TMEM106A: variants seen among roughly 807,000 people sequenced by gnomAD.
The protein encoded by TMEM106A is transmembrane protein 106A.
In TMEM106A, 22 loss-of-function variants were observed where a neutral mutation model predicts 25.1. The observed-to-expected ratio is 0.88, with a 90% CI of 0.63 to 1.25. The LOEUF (loss-of-function observed/expected upper bound fraction) is 1.25, where lower values mean the gene tolerates loss of function less well. Among genes scored for constraint, TMEM106A ranks in the 50% most tolerant of loss-of-function variants. The probability of loss-of-function intolerance (pLI) is 0.00; values close to 1 mark genes in which losing one functional copy is unlikely to be tolerated. For missense variants in TMEM106A, 275 were observed against 318.1 expected (o/e 0.86, Z 1.03); for synonymous variants, 104 against 129.9 (o/e 0.80, Z 1.35).
rs1012226798 is a variant in TMEM106A, at chr17:43,218,152, T to G, written c.*351T>G. 3.3e-5 allele frequency: 8 copies of G among 245,098 alleles called. No homozygotes were observed. The highest frequency in any genetic ancestry group is 1.8e-4 in the African/African-American group (8 of 43,512). The allele number at this position is 245,098 out of a possible 1,614,324, so 15.2% of individuals were successfully genotyped here. On this transcript the variant is annotated 3_prime_UTR_variant, in exon 9 of 9. Transcript: ENST00000612339. Reference sequence around the variant, plus strand: ...TCCCTTCTTGGCCTCCCAAAGCACTTGGATTACAGATGTGAGCCTGTGCCT... The same window carrying G: ...TCCCTTCTTGGCCTCCCAAAGCACTGGGATTACAGATGTGAGCCTGTGCCT...
rs1399532112 is a variant in TMEM106A, at chr17:43,216,757, C to T, written c.614+17C>T. On this transcript the variant is annotated intron_variant, in intron 7 of 8. Coordinates refer to ENST00000612339, the MANE Select transcript of TMEM106A (RefSeq NM_145041.4). ...AAACACATAGTGAGTACCCCTTGAT[C>T]TCTTCTCCCCTAGCCACTTGCCTGG... is the stretch of plus-strand genomic sequence containing the variant. The T allele has an allele frequency of 6.2e-7, 1 of 1,614,096 alleles. No individual in the cohort carries two copies. The highest frequency in any genetic ancestry group is 1.7e-5 in the Admixed American group (1 of 60,008).
intron 7 of TMEM106A, 124 bp from the exon 8 acceptor site, chr17:43,217,135 G>T (rs2057493957): frequency 2.0e-6 from 2 of 977,316 alleles, no homozygotes; most frequent in Admixed American, 1.7e-5. Flanking sequence ...GTGACATTTT[G>T]GGGGCACCTG....
Position 43,217,719 on chromosome 17 carries a change from A to C in TMEM106A, c.707A>C (p.Gln236Pro). 1 of 1,614,192 alleles carries C rather than the reference A, an allele frequency of 6.2e-7. No homozygotes were observed. Among genetic ancestry groups the C allele is most frequent in the Non-Finnish European group, 8.5e-7 (1 of 1,180,038 alleles). The change falls in exon 9 of 9, where the codon CAG becomes CCG. Residue 236 changes from glutamine to proline, a missense_variant. Coordinates refer to ENST00000612339, the MANE Select transcript of TMEM106A (RefSeq NM_145041.4). ...LTCSYLSHSE[Q>P]LVFQSYEYVD... Reference sequence around the variant, plus strand: ...TGTTCATACCTGAGCCATTCAGAGCAGCTGGTCTTTCAGAGCTATGAATAT... The same window carrying C: ...TGTTCATACCTGAGCCATTCAGAGCCGCTGGTCTTTCAGAGCTATGAATAT...
In TMEM106A at chr17:43,217,922, C is replaced by T; in HGVS notation, c.*121C>T. 1 of 1,416,930 alleles carries T rather than the reference C, an allele frequency of 7.1e-7. No individual in the cohort carries two copies. Among genetic ancestry groups the T allele is most frequent in the Non-Finnish European group, 9.7e-7 (1 of 1,034,132 alleles). 87.8% of individuals were successfully genotyped at this position (1,416,930 alleles called of 1,614,324 possible). ...AAAGGAGAAGCCCTGCCTCATCACA[C>T]CCTTACCTCCCACCCCCTCAGCACA... On this transcript the variant is annotated 3_prime_UTR_variant, in exon 9 of 9. Coordinates refer to ENST00000612339, the MANE Select transcript of TMEM106A (RefSeq NM_145041.4).
At chr17:43,215,242 CAAAAAAAAGAA>C (rs2057474245) in intron 4 of TMEM106A, among the ~76,000 whole-genome samples, 1 of 146,448 alleles carries the variant, frequency 6.8e-6, no homozygotes, top group African/African-American at 2.5e-5. Context: ...GACTCCATCT[CAAAAAAAAGAA>C]AAAAAAAAGA....
rs199801892 is a variant in TMEM106A, at chr17:43,216,706, G to T, written c.580G>T (p.Ala194Ser). Residue 194 changes from alanine to serine, a missense_variant, in exon 7 of 9, where the codon GCA becomes TCA. Ala to Ser is a moderately conservative substitution (Grantham distance 99). Transcript: ENST00000612339. ...CCCATTTGGTTGACAGATGTTTTACGCAGTAGCTACCAAGATACGGGATGA... is the reference window on the plus strand; with the variant it reads ...CCCATTTGGTTGACAGATGTTTTACTCAGTAGCTACCAAGATACGGGATGA... The part of the protein sequence containing the change: ...GPLASEQMFY[A>S]VATKIRDENT... 11 of 1,614,188 alleles carry T rather than the reference G, an allele frequency of 6.8e-6. No homozygotes were observed. The highest frequency in any genetic ancestry group is 9.3e-6 in the Non-Finnish European group (11 of 1,180,030).
In TMEM106A at chr17:43,217,285, A is replaced by G; in HGVS notation, c.641A>G (p.Lys214Arg). Residue 214 changes from lysine (K) to arginine (R), a missense_variant, in exon 8 of 9, where the codon AAA (lysine) becomes AGA (arginine). Coordinates refer to ENST00000612339, the MANE Select transcript of TMEM106A (RefSeq NM_145041.4). ...TYKICTWLEI[K>R]VHHVLLHIQG... ...AAAATCTGTACCTGGCTGGAAATCAAAGTCCACCATGTGCTTTTGCACATC... is the reference window on the plus strand; with the variant it reads ...AAAATCTGTACCTGGCTGGAAATCAGAGTCCACCATGTGCTTTTGCACATC... 2 of 1,614,188 alleles carry G rather than the reference A, an allele frequency of 1.2e-6. No homozygotes were observed. Among genetic ancestry groups the G allele is most frequent in the Non-Finnish European group, 1.7e-6 (2 of 1,180,020 alleles).
chr17:43,214,980 A>T (rs972204393), intron 4 of TMEM106A, among the ~76,000 whole-genome samples: 1 of 149,326 alleles, frequency 6.7e-6, no homozygotes, highest in Non-Finnish European at 1.5e-5. Context: ...AAAAACAAAA[A>T]AAAACCCTGT....
At chr17:43,217,085 C>T (rs946171284) in intron 7 of TMEM106A, 174 bp from the exon 8 acceptor site, 2 of 701,344 alleles carry the variant, frequency 2.9e-6, no homozygotes, top group East Asian at 2.5e-5. Flanking sequence ...ATAGTGCAGC[C>T]ATGCTGCTAC....
At position 43,217,896 on chromosome 17, in the gene TMEM106A, CA is replaced by C; in HGVS notation, c.*98del. 6.4e-7 allele frequency: 1 copy of C among 1,568,552 alleles called. No individual in the cohort carries two copies. Reference sequence around the variant, plus strand: ...TAAGGAAGGACTACAGAGGCTTTGCCAAAGGAGAAGCCCTGCCTCATCACAC... The same window carrying C: ...TAAGGAAGGACTACAGAGGCTTTGCCAAGGAGAAGCCCTGCCTCATCACAC... On this transcript the variant is annotated 3_prime_UTR_variant, in exon 9 of 9. Transcript: ENST00000612339.
chr17:43,216,327 C>T (rs2057485534), intron 5 of TMEM106A, 122 bp from the exon 6 acceptor site: 1 of 1,356,232 alleles, frequency 7.4e-7, no homozygotes, highest in South Asian at 1.3e-5. Flanking sequence ...TTTTCATCCT[C>T]TGCACCTGAA....
In TMEM106A at chr17:43,218,024, C is replaced by A; in HGVS notation, c.*223C>A. The A allele has an allele frequency of 1.7e-6, 1 of 602,876 alleles. No homozygotes were observed. Among genetic ancestry groups the A allele is most frequent in the Non-Finnish European group, 2.8e-6 (1 of 360,204 alleles). The allele number at this position is 602,876 out of a possible 1,614,324, so 37.3% of individuals were successfully genotyped here. ...TTCCCCCAGATTCTTTCAGGGGCTG[C>A]CATCAGATTCTGCCCTTGGTTAGTT... On this transcript the variant is annotated 3_prime_UTR_variant, in exon 9 of 9. Transcript: ENST00000612339.
Position 43,219,629 on chromosome 17 carries a change from G to A in TMEM106A, c.*1828G>A, listed in dbSNP as rs978412721. 6.6e-6 allele frequency: 1 copy of A among 151,678 alleles called. No homozygotes were observed. Among genetic ancestry groups the A allele is most frequent in the Non-Finnish European group, 1.5e-5 (1 of 67,988 alleles). 9.4% of individuals were successfully genotyped at this position (151,678 alleles called of 1,614,324 possible). On this transcript the variant is annotated 3_prime_UTR_variant, in exon 9 of 9. Coordinates refer to ENST00000612339, the MANE Select transcript of TMEM106A (RefSeq NM_145041.4). ...CACCTGTAATCCCACCTACTCAGGAGGCTGAGGCAGGAGAATCACTTGAAC... is the reference window on the plus strand; with the variant it reads ...CACCTGTAATCCCACCTACTCAGGAAGCTGAGGCAGGAGAATCACTTGAAC...
At position 43,218,170 on chromosome 17, in the gene TMEM106A, C is replaced by T; in HGVS notation, c.*369C>T. ...AAGCACTTGGATTACAGATGTGAGC[C>T]TGTGCCTGGCTGGTCTTTCTTGAGG... On this transcript the variant is annotated 3_prime_UTR_variant, in exon 9 of 9. Coordinates refer to ENST00000612339, the MANE Select transcript of TMEM106A (RefSeq NM_145041.4). 4.8e-6 allele frequency: 1 copy of T among 210,084 alleles called. No homozygotes were observed. Among genetic ancestry groups the T allele is most frequent in the Non-Finnish European group, 9.6e-6 (1 of 104,376 alleles). 13.0% of individuals were successfully genotyped at this position (210,084 alleles called of 1,614,324 possible).
chr17:43,212,779 T>G (rs1356024088), intron 2 of TMEM106A, among the ~76,000 whole-genome samples: 5 of 152,228 alleles, frequency 3.3e-5, no homozygotes, highest in Admixed American at 2.6e-4. Context: ...CTTCTGCTTT[T>G]CTTTTGTTTT....
chr17:43,216,283 C>A (rs1395169647), intron 5 of TMEM106A, among the ~76,000 whole-genome samples, 166 bp from the exon 6 acceptor site: 1 of 152,204 alleles, frequency 6.6e-6, no homozygotes, highest in African/African-American at 2.4e-5. Flanking sequence ...AAGTTGACCC[C>A]TCACCATTCA....
chr17:43,217,343 G>A lies in TMEM106A; in HGVS notation c.668+31G>A, dbSNP rs530449086. ...TAGAGCTTGGAGCTCTGGTATCCCT[G>A]CTCTCACTTCTGACTTCATTCTCAC... On this transcript the variant is annotated intron_variant, in intron 8 of 8. Coordinates refer to ENST00000612339, the MANE Select transcript of TMEM106A (RefSeq NM_145041.4). 3 of 1,612,292 alleles carry A rather than the reference G, an allele frequency of 1.9e-6. No homozygotes were observed. The South Asian group carries it at 3.3e-5, about 18-fold the overall frequency.
At position 43,218,590 on chromosome 17, in the gene TMEM106A, G is replaced by A. The variant is rs1032873177; in HGVS notation, c.*789G>A. The A allele has an allele frequency of 1.3e-5, 2 of 152,212 alleles. No individual in the cohort carries two copies. The highest frequency in any genetic ancestry group is 4.8e-5 in the African/African-American group (2 of 41,444). 9.4% of individuals were successfully genotyped at this position (152,212 alleles called of 1,614,324 possible). A position where few individuals can be genotyped will look rare whatever the true frequency, so the allele number is the denominator to read the frequency against. ...GCAGCAGAATCACTTGAAACCGGAA[G>A]GCAGAGGTTGCAGTGAGCCAAGATC... On this transcript the variant is annotated 3_prime_UTR_variant, in exon 9 of 9. Transcript: ENST00000612339.
intron 2 of TMEM106A, among the ~76,000 whole-genome samples, chr17:43,212,804 G>A (rs1018608192): frequency 6.6e-6 from 1 of 152,188 alleles, no homozygotes; most frequent in Non-Finnish European, 1.5e-5. Context: ...TTTGTAGGCA[G>A]ATTGGTCTCT....
Sources: allele counts gnomAD v4.1 joint callset (sites outside exome capture counted in the v4.1 genomes callset), GRCh38; gene constraint gnomAD v4.1.1; transcripts MANE v1.5; gene names NCBI Gene and HGNC (gene_info 2026-07-23, HGNC 2026-07-21).